Variants in RBM33 observed in about 807,000 individuals in gnomAD.
RBM33 encodes RNA-binding protein 33.
RBM33 carries 28 observed loss-of-function variants against 132.6 expected under a neutral mutation model. The observed-to-expected ratio is 0.21, with a 90% CI of 0.16 to 0.29. The LOEUF is 0.29. Ranked by LOEUF, RBM33 falls within the 10% of genes least tolerant of loss-of-function variation. RBM33 has a pLI of 1.00. For synonymous variants in RBM33, 634 were observed against 593.0 expected, an observed-to-expected ratio of 1.07 and a Z score of -1.01; for missense variants, 1,291 against 1,518.5, an observed-to-expected ratio of 0.85 and a Z score of 2.49.
chr7:155,774,444 C>G lies in RBM33; in HGVS notation c.3376-115C>G, dbSNP rs1449873283. 1.2e-5 allele frequency: 9 copies of G among 721,622 alleles called. No homozygotes were observed. The African/African-American group carries it at 1.6e-4, about 13-fold the overall frequency. The allele number at this position is 721,622 out of a possible 1,614,324, so 44.7% of individuals were successfully genotyped here. A position where few individuals can be genotyped will look rare whatever the true frequency, so the allele number is the denominator to read the frequency against. On this transcript the variant is annotated intron_variant, in intron 16 of 17. Coordinates refer to ENST00000401878, the MANE Select transcript of RBM33 (RefSeq NM_053043.3). This position sits in a 1 kb window ranked among gnomAD's most constrained non-coding sequence, Gnocchi z 4.2. ...AGAAAGGAAAATCAATTAGTGTGTT[C>G]CAAATGTCCGCCTGGACTCATTTTG...
At chr7:155,771,305 G>C (rs1048048794) in intron 16 of RBM33, among the ~76,000 whole-genome samples, 1 of 152,120 alleles carries the variant, frequency 6.6e-6, no homozygotes, top group Non-Finnish European at 1.5e-5. Context: ...AATAAATCAC[G>C]AATACTTGTC....
intron 6 of RBM33, among the ~76,000 whole-genome samples, chr7:155,702,124 G>T (rs1243011169): frequency 6.6e-6 from 1 of 152,200 alleles, no homozygotes; most frequent in East Asian, 1.9e-4. Context: ...CTGCCATCTG[G>T]TCTTGGTCTA....
At chr7:155,715,329 A>G (rs1024766401) in intron 8 of RBM33, among the ~76,000 whole-genome samples, 1 of 152,156 alleles carries the variant, frequency 6.6e-6, no homozygotes, top group East Asian at 1.9e-4. Flanking sequence ...ATTCTTGTGC[A>G]TTTCCTTGTA....
intron 7 of RBM33, among the ~76,000 whole-genome samples, chr7:155,710,733 G>A (rs1350789379): frequency 7.2e-5 from 11 of 152,016 alleles, no homozygotes; most frequent in Non-Finnish European, 1.3e-4. Flanking sequence ...TTGTGGCCCT[G>A]TCCTGTTCTC....
chr7:155,766,761 A>G, intron 16 of RBM33, 106 bp downstream of exon 16: 2 of 1,070,072 alleles, frequency 1.9e-6, no homozygotes, highest in Middle Eastern at 4.6e-4. Flanking sequence ...CTTCATATTA[A>G]AATAATACTT....
At chr7:155,651,124 C>T (rs775856425) in intron 1 of RBM33, among the ~76,000 whole-genome samples, 10 of 152,080 alleles carry the variant, frequency 6.6e-5, no homozygotes, top group African/African-American at 1.7e-4. Flanking sequence ...GTGATCTGCC[C>T]GCCTCGGCCT....
At chr7:155,692,486 G>A (rs1443451111) in intron 5 of RBM33, among the ~76,000 whole-genome samples, 8 of 152,308 alleles carry the variant, frequency 5.3e-5, no homozygotes, top group Non-Finnish European at 1.0e-4. Context: ...ACTCCCCATT[G>A]TGACACATTC....
At chr7:155,731,538 T>C (rs1326043347) in intron 9 of RBM33, among the ~76,000 whole-genome samples, 1 of 152,150 alleles carries the variant, frequency 6.6e-6, no homozygotes, top group Non-Finnish European at 1.5e-5. Flanking sequence ...GTTGACCAAG[T>C]GACTAATGGG....
At chr7:155,748,076 G>A (rs916696113) in intron 14 of RBM33, among the ~76,000 whole-genome samples, 4 of 152,214 alleles carry the variant, frequency 2.6e-5, no homozygotes, top group Non-Finnish European at 5.9e-5. Flanking sequence ...AGGAGCCGAG[G>A]GCTGAGCAGA....
At chr7:155,721,058 T>C (rs1219509773) in intron 9 of RBM33, among the ~76,000 whole-genome samples, 1 of 152,220 alleles carries the variant, frequency 6.6e-6, no homozygotes, top group African/African-American at 2.4e-5. Context: ...CATTGTAATC[T>C]CTCCTTTCCC....
At chr7:155,731,180 T>C (rs1800945536) in intron 9 of RBM33, among the ~76,000 whole-genome samples, 1 of 152,138 alleles carries the variant, frequency 6.6e-6, no homozygotes, top group African/African-American at 2.4e-5. Flanking sequence ...TTATCTATAA[T>C]GAGAAAAATC....
intron 1 of RBM33, among the ~76,000 whole-genome samples, chr7:155,647,256 G>T (rs1429003897): frequency 6.6e-6 from 1 of 152,144 alleles, no homozygotes; most frequent in East Asian, 1.9e-4. Flanking sequence ...TAAAATGCTG[G>T]TTGTGACCTG....
intron 1 of RBM33, among the ~76,000 whole-genome samples, chr7:155,655,740 A>G (rs1798476012): frequency 6.6e-6 from 1 of 152,016 alleles, no homozygotes; most frequent in African/African-American, 2.4e-5. Flanking sequence ...TTCGTACTGA[A>G]GTATAACAGT....
At chr7:155,680,274 G>A (rs1453998269) in intron 4 of RBM33, among the ~76,000 whole-genome samples, 6 of 152,176 alleles carry the variant, frequency 3.9e-5, no homozygotes, top group Admixed American at 3.3e-4. Context: ...CCACTCAGAT[G>A]TGTTTCATCT....
At chr7:155,725,411 A>G (rs894467001) in intron 9 of RBM33, among the ~76,000 whole-genome samples, 1 of 152,092 alleles carries the variant, frequency 6.6e-6, no homozygotes, top group Non-Finnish European at 1.5e-5. Context: ...AAGTTCACAC[A>G]ACTGGGCGCA....
Position 155,715,159 on chromosome 7 carries a change from C to T in RBM33, c.1202-3226C>T, listed in dbSNP as rs530361083. ...GTGGTGCCTACGTCTCCTGCAGTAGCCGTTGAATGAATGGAGACATGAACA... is the reference window on the plus strand; with the variant it reads ...GTGGTGCCTACGTCTCCTGCAGTAGTCGTTGAATGAATGGAGACATGAACA... On this transcript the variant is annotated intron_variant, in intron 8 of 17. Coordinates refer to ENST00000401878, the MANE Select transcript of RBM33 (RefSeq NM_053043.3). 1.4e-3 allele frequency among the ~76,000 whole-genome samples: 216 copies of T among 152,228 alleles called. 2 individuals carry two copies. Among genetic ancestry groups the T allele is most frequent in the African/African-American group, 5.2e-3 (214 of 41,522 alleles).
In RBM33 at chr7:155,779,601, C is replaced by G. The variant is rs1802744015; in HGVS notation, c.*4560C>G. 6.6e-6 allele frequency: 1 copy of G among 152,168 alleles called. No individual in the cohort carries two copies. Among genetic ancestry groups the G allele is most frequent in the African/African-American group, 2.4e-5 (1 of 41,432 alleles). The allele number at this position is 152,168 out of a possible 1,614,324, so 9.4% of individuals were successfully genotyped here. A position where few individuals can be genotyped will look rare whatever the true frequency, so the allele number is the denominator to read the frequency against. On this transcript the variant is annotated 3_prime_UTR_variant, in exon 18 of 18. Transcript: ENST00000401878. ...TTAATTTTTTTTAAATGCCTAACTT[C>G]TGAGGTGCATAAGCCCGTGGTTTGT...
intron 13 of RBM33, among the ~76,000 whole-genome samples, chr7:155,743,444 G>A (rs73734718): frequency 2.6e-3 from 392 of 152,336 alleles, no homozygotes; most frequent in African/African-American, 9.1e-3. Flanking sequence ...TGATTTAGGC[G>A]AACTTCTAAA....
chr7:155,662,817 G>A (rs1051436055), intron 1 of RBM33, among the ~76,000 whole-genome samples: 3 of 152,124 alleles, frequency 2.0e-5, no homozygotes, highest in African/African-American at 7.2e-5. Context: ...GGTGGGGGTG[G>A]GATGGAAAAT....
Sources: gnomAD v4.1 joint callset for allele counts (sites outside exome capture counted in the v4.1 genomes callset) on GRCh38, gnomAD v4.1.1 for gene constraint, Gnocchi (gnomAD v3.1) non-coding constraint, MANE v1.5 for transcripts, NCBI Gene and HGNC (gene_info 2026-07-23, HGNC 2026-07-21) for gene names.